Variants in SMCHD1 observed in about 807,000 individuals in gnomAD.
The protein encoded by SMCHD1 is structural maintenance of chromosomes flexible hinge domain-containing protein 1.
Under a neutral mutation model 254.7 loss-of-function variants are expected in SMCHD1, and 78 were observed. That is an observed-to-expected ratio of 0.31 (90% CI 0.26 to 0.37). The LOEUF is 0.37. Ranked by LOEUF, SMCHD1 falls within the 10% of genes least tolerant of loss-of-function variation. SMCHD1 has a pLI of 1.00. For missense variants in SMCHD1, 1,840 were observed against 2,408.1 expected, an observed-to-expected ratio of 0.76 and a Z score of 4.94; for synonymous variants, 766 against 794.9, an observed-to-expected ratio of 0.96 and a Z score of 0.61.
At chr18:2,708,907 T>TATATATATATATATATATATA (rs769432583) in intron 17 of SMCHD1, among the ~76,000 whole-genome samples, 10 of 44,700 alleles carry the variant, frequency 2.2e-4, no homozygotes, top group Admixed American at 3.0e-4. Flanking sequence ...TATATATATA[T>TATATATATATATATATATATA]AACATATTAA....
chr18:2,761,573 T>C (rs2075784361), intron 35 of SMCHD1, among the ~76,000 whole-genome samples: 1 of 152,124 alleles, frequency 6.6e-6, no homozygotes, highest in Non-Finnish European at 1.5e-5. Context: ...TCCCAGCAGT[T>C]TGGGAGGCCG....
intron 45 of SMCHD1, among the ~76,000 whole-genome samples, chr18:2,790,858 ATC>A (rs1199892711): frequency 1.3e-5 from 2 of 152,234 alleles, no homozygotes; most frequent in Non-Finnish European, 2.9e-5. Flanking sequence ...AATTATCTTT[ATC>A]TAAGTATCAG....
At chr18:2,702,179 C>T (rs1314264878) in intron 12 of SMCHD1, 1 of 151,440 alleles carries the variant, frequency 6.6e-6, no homozygotes, top group Non-Finnish European at 1.5e-5. Flanking sequence ...TCAAGCTGCG[C>T]ATAATGGTTC....
chr18:2,744,876 A>G (rs543632932), intron 29 of SMCHD1, among the ~76,000 whole-genome samples: 1 of 152,118 alleles, frequency 6.6e-6, no homozygotes, highest in East Asian at 1.9e-4. Context: ...CACTCTTGTT[A>G]CCCAGGCTGG....
intron 29 of SMCHD1, among the ~76,000 whole-genome samples, chr18:2,744,284 A>G (rs1353323598): frequency 6.6e-6 from 1 of 152,194 alleles, no homozygotes; most frequent in Non-Finnish European, 1.5e-5. Flanking sequence ...TTGTTTTCTT[A>G]TACTAATCTA....
At chr18:2,784,087 A>G (rs2076201484) in intron 44 of SMCHD1, among the ~76,000 whole-genome samples, 1 of 152,198 alleles carries the variant, frequency 6.6e-6, no homozygotes, top group Admixed American at 6.5e-5. Flanking sequence ...GTCATCTAAA[A>G]AACTTAAATC....
At chr18:2,673,120 G>C in intron 3 of SMCHD1, 161 bp from the exon 4 acceptor site, 2 of 985,278 alleles carry the variant, frequency 2.0e-6, no homozygotes, top group South Asian at 4.7e-5. Flanking sequence ...GGTGGTGATT[G>C]GTGATGATGC....
intron 3 of SMCHD1, among the ~76,000 whole-genome samples, chr18:2,669,772 A>G (rs1454686213): frequency 6.6e-6 from 1 of 152,210 alleles, no homozygotes; most frequent in Non-Finnish European, 1.5e-5. Flanking sequence ...GGATGTCTAA[A>G]ATGGGAACCC....
intron 37 of SMCHD1, among the ~76,000 whole-genome samples, chr18:2,769,126 T>C (rs2075929519): frequency 6.6e-6 from 1 of 152,210 alleles, no homozygotes; most frequent in African/African-American, 2.4e-5. Flanking sequence ...TTACTAGTTA[T>C]ATGTTTTGGT....
At chr18:2,668,132 G>A (rs1484666152) in intron 3 of SMCHD1, among the ~76,000 whole-genome samples, 1 of 151,964 alleles carries the variant, frequency 6.6e-6, no homozygotes, top group African/African-American at 2.4e-5. Flanking sequence ...CTCCCGCCTC[G>A]GCCTCCCAAA....
chr18:2,697,340 T>G (rs908579329), intron 9 of SMCHD1: 102 of 370,968 alleles, frequency 2.7e-4, no homozygotes, highest in Non-Finnish European at 4.5e-4. Flanking sequence ...TATCTTTTTT[T>G]GTCTCTCTTC....
chr18:2,749,195 A>T (rs1406418796), intron 30 of SMCHD1, among the ~76,000 whole-genome samples: 1 of 152,260 alleles, frequency 6.6e-6, no homozygotes, highest in Non-Finnish European at 1.5e-5. Flanking sequence ...GGACAGGTAT[A>T]AACATAGGAT....
intron 17 of SMCHD1, among the ~76,000 whole-genome samples, chr18:2,708,404 C>CTA (rs2074571200): frequency 6.6e-6 from 1 of 151,954 alleles, no homozygotes; most frequent in South Asian, 2.1e-4. Context: ...TGGCACGAGC[C>CTA]TATATAGTCC....
rs377079778 is a variant in SMCHD1, at chr18:2,656,061, C to G, written c.-15C>G. ...GCGGCGGCAGGCGTCGCTGTCTTTT[C>G]TCCTTTTCCCCAATATGGCAGCGGC... On this transcript the variant is annotated 5_prime_UTR_variant, in exon 1 of 48. Transcript: ENST00000320876. 6.4e-5 allele frequency: 87 copies of G among 1,364,770 alleles called. No individual in the cohort carries two copies. The highest frequency in any genetic ancestry group is 7.8e-5 in the Non-Finnish European group (82 of 1,053,638). 84.5% of individuals were successfully genotyped at this position (1,364,770 alleles called of 1,614,324 possible).
chr18:2,771,471 T>C, intron 39 of SMCHD1, 62 bp from the exon 40 acceptor site: 1 of 1,248,110 alleles, frequency 8.0e-7, no homozygotes, highest in Non-Finnish European at 1.1e-6. Context: ...TAAAATATTT[T>C]TCAAAAACTA....
At chr18:2,722,489 C>G (rs376981282) in intron 19 of SMCHD1, 30 bp from the exon 20 acceptor site, 1 of 1,595,144 alleles carries the variant, frequency 6.3e-7, no homozygotes, top group South Asian at 1.2e-5. Context: ...AATGTACTTG[C>G]TTTTCATTTC....
At chr18:2,761,571 GT>G in intron 35 of SMCHD1, among the ~76,000 whole-genome samples, 1 of 152,072 alleles carries the variant, frequency 6.6e-6, no homozygotes, top group Non-Finnish European at 1.5e-5. Flanking sequence ...AATCCCAGCA[GT>G]TTGGGAGGCC....
intron 1 of SMCHD1, among the ~76,000 whole-genome samples, chr18:2,665,342 A>G (rs1163951164): frequency 6.7e-6 from 1 of 149,068 alleles, no homozygotes; most frequent in African/African-American, 2.5e-5. Context: ...TTTCTTTGAG[A>G]CGGAGTCTCA....
chr18:2,659,396 G>T (rs1304026368), intron 1 of SMCHD1, among the ~76,000 whole-genome samples: 1 of 152,206 alleles, frequency 6.6e-6, no homozygotes, highest in Non-Finnish European at 1.5e-5. Flanking sequence ...GGGAATACAG[G>T]CATGAGCCAC....
Sources: gnomAD v4.1 joint callset for allele counts (sites outside exome capture counted in the v4.1 genomes callset) on GRCh38, gnomAD v4.1.1 for gene constraint, MANE v1.5 for transcripts, NCBI Gene and HGNC (gene_info 2026-07-23, HGNC 2026-07-21) for gene names.